The following SHROOM4 variants were observed in gnomAD, a reference collection of about 807,000 sequenced individuals.
The protein encoded by SHROOM4 is protein Shroom4.
A neutral mutation model predicts 80.3 loss-of-function variants in SHROOM4; 17 were observed. That is an observed-to-expected ratio of 0.21 (90% CI 0.14 to 0.32). SHROOM4 has a LOEUF of 0.32. Among genes scored for constraint, SHROOM4 ranks in the 10% least tolerant of loss-of-function variants. The pLI is 1.00. For missense variants in SHROOM4, 993 were observed against 1,140.3 expected (o/e 0.87, Z 1.86); for synonymous variants, 400 against 437.5 (o/e 0.91, Z 1.07).
chrX:50,813,992 C>G lies in SHROOM4; in HGVS notation c.27G>C (p.Gln9His), dbSNP rs1199767791. 8.3e-7 allele frequency: 1 copy of G among 1,206,570 alleles called. No homozygotes were observed. The highest frequency in any genetic ancestry group is 1.1e-6 in the Non-Finnish European group (1 of 893,364). ...CCCCTTGCAGCTGCACAGGGACGTA[C>G]TGGAAGGACCCAGGCCGGTTCTCCA... Reference protein sequence around the residue: MENRPGSFQYVPVQLQGGA... With the variant: MENRPGSFHYVPVQLQGGA... Residue 9 changes from glutamine to histidine, a missense_variant, in exon 1 of 9, where the codon CAG becomes CAC. Gln to His is a conservative substitution (Grantham distance 24). Coordinates refer to ENST00000376020, the MANE Select transcript of SHROOM4 (RefSeq NM_020717.5).
chrX:50,625,624 C>G lies in SHROOM4; in HGVS notation c.2957+1990G>C, dbSNP rs182407584. Among the ~76,000 whole-genome samples the G allele has an allele frequency of 2.7e-5, 3 of 111,372 alleles. No homozygotes were observed. In the East Asian group the frequency reaches 8.5e-4, roughly 32 times the overall value. ...TCCCCCAAATATCACACCTATTTAT[C>G]TATTCCTTCTGCTCCATTTCTATCG... On this transcript the variant is annotated intron_variant, in intron 5 of 8. Transcript: ENST00000376020.
intron 1 of SHROOM4, among the ~76,000 whole-genome samples, chrX:50,749,424 T>C (rs1934855949): frequency 9.0e-6 from 1 of 111,594 alleles, no homozygotes; most frequent in African/African-American, 3.3e-5. Context: ...AGAGAGAAGT[T>C]AGAAACAATT....
intron 2 of SHROOM4, among the ~76,000 whole-genome samples, chrX:50,656,078 G>GTTATTTGTA (rs1557259432): frequency 6.9e-4 from 77 of 111,511 alleles, no homozygotes; most frequent in Non-Finnish European, 1.3e-3. Flanking sequence ...TGTCTCTTCA[G>GTTATTTGTA]ATCTTTGGCC....
intron 2 of SHROOM4, among the ~76,000 whole-genome samples, chrX:50,660,235 C>A (rs1181288809): frequency 9.0e-6 from 1 of 111,493 alleles, no homozygotes; most frequent in Non-Finnish European, 1.9e-5. Flanking sequence ...TTTCATATAC[C>A]TACAAGTCAC....
intron 1 of SHROOM4, among the ~76,000 whole-genome samples, chrX:50,800,801 TA>T (rs1408086287): frequency 3.6e-5 from 4 of 110,334 alleles, no homozygotes. Context: ...AGGGAACCAT[TA>T]AATAATTTTA....
chrX:50,653,024 T>G (rs139953039), intron 2 of SHROOM4, among the ~76,000 whole-genome samples: 3,197 of 111,730 alleles, frequency 0.029, 62 homozygotes, highest in South Asian at 0.043. Flanking sequence ...TTGTTCTTTT[T>G]GCTTAGGATT....
chrX:50,625,288 T>A (rs1449761591), intron 5 of SHROOM4, among the ~76,000 whole-genome samples: 2 of 112,235 alleles, frequency 1.8e-5, no homozygotes, highest in African/African-American at 6.5e-5. Context: ...AATTTGGGAA[T>A]GATTAAGCAA....
At chrX:50,676,766 G>GA (rs1188209480) in intron 2 of SHROOM4, among the ~76,000 whole-genome samples, 9 of 109,013 alleles carry the variant, frequency 8.3e-5, no homozygotes, top group African/African-American at 3.0e-4. Flanking sequence ...ACATTTCAGA[G>GA]AAAAAAAAAG....
In SHROOM4 at chrX:50,634,266, G is replaced by C; in HGVS notation, c.1807C>G (p.Leu603Val). Residue 603 changes from leucine (L) to valine (V), a missense_variant, in exon 4 of 9, where the codon CTC (leucine) becomes GTC (valine). Coordinates refer to ENST00000376020, the MANE Select transcript of SHROOM4 (RefSeq NM_020717.5). ...RNEIQRRKAQ[L>V]QKSKGPLSQL... Reference sequence around the variant, plus strand: ...GACAAGGGACCCTTGCTTTTCTGGAGCTGGGCCTTCCTCCTCTGAATTTCA... The same window carrying C: ...GACAAGGGACCCTTGCTTTTCTGGACCTGGGCCTTCCTCCTCTGAATTTCA... 1 of 1,211,525 alleles carries C rather than the reference G, an allele frequency of 8.3e-7. No individual in the cohort carries two copies. The highest frequency in any genetic ancestry group is 1.1e-6 in the Non-Finnish European group (1 of 895,485).
At chrX:50,706,266 A>G (rs1049492382) in intron 1 of SHROOM4, among the ~76,000 whole-genome samples, 10 of 111,373 alleles carry the variant, frequency 9.0e-5, no homozygotes, top group Non-Finnish European at 1.5e-4. Context: ...TCTCTATCAC[A>G]TTACCTGTCT....
chrX:50,655,475 C>T (rs1402818155), intron 2 of SHROOM4, among the ~76,000 whole-genome samples: 1 of 105,831 alleles, frequency 9.4e-6, no homozygotes, highest in Non-Finnish European at 1.9e-5. Context: ...TATAGTATTT[C>T]ATTGTATATG....
At chrX:50,759,372 C>A (rs1935101996) in intron 1 of SHROOM4, among the ~76,000 whole-genome samples, 1 of 111,771 alleles carries the variant, frequency 8.9e-6, no homozygotes, top group Non-Finnish European at 1.9e-5. Flanking sequence ...CTTACTGACA[C>A]CTTGATCTTA....
chrX:50,691,615 G>T (rs1933224265), intron 2 of SHROOM4, among the ~76,000 whole-genome samples: 2 of 111,758 alleles, frequency 1.8e-5, no homozygotes, highest in South Asian at 7.6e-4. Flanking sequence ...AATATAGGAA[G>T]AAGAGCTGGG....
chrX:50,604,088 A>G (rs1334940778), intron 6 of SHROOM4, among the ~76,000 whole-genome samples: 1 of 111,934 alleles, frequency 8.9e-6, no homozygotes, highest in Non-Finnish European at 1.9e-5. Flanking sequence ...CTATTTACTG[A>G]TTCATGCTAT....
At chrX:50,737,690 C>T (rs1379280344) in intron 1 of SHROOM4, among the ~76,000 whole-genome samples, 1 of 111,143 alleles carries the variant, frequency 9.0e-6, no homozygotes, top group Non-Finnish European at 1.9e-5. Flanking sequence ...TAATTAATAG[C>T]TTACCAACCA....
At chrX:50,738,485 A>G (rs1934556307) in intron 1 of SHROOM4, among the ~76,000 whole-genome samples, 1 of 111,988 alleles carries the variant, frequency 8.9e-6, no homozygotes, top group African/African-American at 3.2e-5. Context: ...GCAAAGTCTC[A>G]GGATACAAAA....
chrX:50,791,313 CAAAT>C (rs1406102319), intron 1 of SHROOM4, among the ~76,000 whole-genome samples: 2 of 111,421 alleles, frequency 1.8e-5, no homozygotes, highest in African/African-American at 6.5e-5. Flanking sequence ...ATCAAAGACA[CAAAT>C]AAATAAGACA....
chrX:50,682,766 G>A (rs1932971149), intron 2 of SHROOM4, among the ~76,000 whole-genome samples: 1 of 111,514 alleles, frequency 9.0e-6, no homozygotes, highest in Admixed American at 9.5e-5. Context: ...AGATATGAGA[G>A]AATATGTTGT....
In SHROOM4 at chrX:50,589,312, A is replaced by G. The variant is rs528677128; in HGVS notation, c.*7383T>C. ...ACACTTATTGAGAAATAATTCATAT[A>G]CCATTTAGCACACCCATTTAAAATG... On this transcript the variant is annotated 3_prime_UTR_variant, in exon 9 of 9. Transcript: ENST00000376020. Among the ~76,000 whole-genome samples the G allele has an allele frequency of 8.0e-4, 90 of 111,951 alleles. 2 individuals are homozygous for G. In the South Asian group the frequency reaches 0.032, roughly 39 times the overall value.
Sources: gnomAD v4.1 joint callset for allele counts (sites outside exome capture counted in the v4.1 genomes callset) on GRCh38, gnomAD v4.1.1 for gene constraint, MANE v1.5 for transcripts, NCBI Gene and HGNC (gene_info 2026-07-23, HGNC 2026-07-21) for gene names.